Variants in XRN2 observed in about 807,000 individuals in gnomAD.
The protein encoded by XRN2 is 5'-3' exoribonuclease 2.
A neutral mutation model predicts 138.5 loss-of-function variants in XRN2; 44 were observed. The observed-to-expected ratio is 0.32, with a 90% CI of 0.25 to 0.41. The LOEUF is 0.41. Among genes scored for constraint, XRN2 ranks in the 10% least tolerant of loss-of-function variants. XRN2 has a pLI of 1.00. For missense variants in XRN2, 937 were observed against 1,169.3 expected (o/e 0.80, Z 2.90); for synonymous variants, 354 against 369.4 (o/e 0.96, Z 0.48).
intron 1 of XRN2, among the ~76,000 whole-genome samples, chr20:21,323,936 AG>A (rs961009299): frequency 4.8e-4 from 73 of 152,326 alleles, no homozygotes; most frequent in African/African-American, 5.8e-4. Flanking sequence ...TATGGCCAGC[AG>A]GTCTGAAATA....
rs1389696779 is a variant in XRN2 at position 21,356,622 on chromosome 20, C to T, written c.2155C>T (p.Gln719Ter). The part of the protein sequence containing the change: ...EVPPELCHGI[Q>*]GKFSLDEEAI... ...ACCCCCTGAACTATGTCATGGGATT[C>T]AAGGAAAGTTTTCTTTGGATGAAGA... The change falls in exon 23 of 30, where the codon CAA (glutamine) becomes TAA (stop). Residue 719 changes from glutamine (Q) to a stop codon, truncating the protein, a stop_gained. Transcript: ENST00000377191. LOFTEE classifies it high-confidence loss of function. The T allele has an allele frequency of 6.2e-7, 1 of 1,613,490 alleles. No homozygotes were observed. Among genetic ancestry groups the T allele is most frequent in the Non-Finnish European group, 8.5e-7 (1 of 1,179,722 alleles).
intron 28 of XRN2, among the ~76,000 whole-genome samples, chr20:21,382,572 T>A (rs982920604): frequency 3.3e-5 from 5 of 152,210 alleles, no homozygotes; most frequent in African/African-American, 1.2e-4. Context: ...AGTTATTAGT[T>A]GCCACTGAAA....
intron 27 of XRN2, among the ~76,000 whole-genome samples, chr20:21,375,728 C>G (rs2038812866): frequency 6.6e-6 from 1 of 151,850 alleles, no homozygotes; most frequent in Non-Finnish European, 1.5e-5. Flanking sequence ...ACATTAACCT[C>G]TAAATAAGAG....
intron 27 of XRN2, among the ~76,000 whole-genome samples, chr20:21,374,026 G>C (rs2038790945): frequency 6.6e-6 from 1 of 152,126 alleles, no homozygotes; most frequent in Admixed American, 6.5e-5. Flanking sequence ...TAACTTTTAA[G>C]TTTGAAATCA....
At chr20:21,377,023 A>G (rs1004553512) in intron 27 of XRN2, among the ~76,000 whole-genome samples, 30 of 142,492 alleles carry the variant, frequency 2.1e-4, no homozygotes, top group African/African-American at 8.9e-4. Flanking sequence ...TCTTGGTTAT[A>G]AAAAAAACCT....
intron 29 of XRN2, among the ~76,000 whole-genome samples, chr20:21,387,342 A>G (rs1388915038): frequency 6.6e-6 from 1 of 151,548 alleles, no homozygotes; most frequent in Non-Finnish European, 1.5e-5. Flanking sequence ...GATCCCTCTT[A>G]ATGGGTGATG....
At chr20:21,368,223 G>T (rs1347428522) in intron 26 of XRN2, among the ~76,000 whole-genome samples, 2 of 152,176 alleles carry the variant, frequency 1.3e-5, no homozygotes, top group African/African-American at 4.8e-5. Flanking sequence ...TATGATGTAA[G>T]TTGTAAATAT....
At chr20:21,378,997 T>G (rs1288692329) in intron 27 of XRN2, among the ~76,000 whole-genome samples, 1 of 152,216 alleles carries the variant, frequency 6.6e-6, no homozygotes, top group Non-Finnish European at 1.5e-5. Context: ...TAAATGTGAC[T>G]TCTCTTCATT....
intron 27 of XRN2, among the ~76,000 whole-genome samples, chr20:21,378,487 G>A (rs1012932215): frequency 1.3e-5 from 2 of 152,208 alleles, no homozygotes; most frequent in African/African-American, 4.8e-5. Flanking sequence ...CCTCTGACAG[G>A]TTTGGTCATT....
At chr20:21,345,506 C>T (rs995477059) in intron 16 of XRN2, among the ~76,000 whole-genome samples, 2 of 152,108 alleles carry the variant, frequency 1.3e-5, no homozygotes. Context: ...AAATCTGGCA[C>T]ATGGAAAAGA....
At chr20:21,334,486 G>A (rs1158973212) in intron 13 of XRN2, among the ~76,000 whole-genome samples, 1 of 152,128 alleles carries the variant, frequency 6.6e-6, no homozygotes, top group Non-Finnish European at 1.5e-5. Context: ...ACCAAGGCTG[G>A]AAGTCTATTG....
At chr20:21,346,853 G>A (rs561156008) in intron 17 of XRN2, among the ~76,000 whole-genome samples, 14 of 152,070 alleles carry the variant, frequency 9.2e-5, no homozygotes, top group African/African-American at 2.2e-4. Flanking sequence ...TCCTGACCTC[G>A]TGATCCGCCT....
Position 21,368,465 on chromosome 20 carries a change from A to G in XRN2, c.2459A>G (p.His820Arg), listed in dbSNP as rs1428740869. 1.2e-6 allele frequency: 2 copies of G among 1,613,870 alleles called. No individual in the cohort carries two copies. Among genetic ancestry groups the G allele is most frequent in the Non-Finnish European group, 1.7e-6 (2 of 1,179,876 alleles). Reference sequence around the variant, plus strand: ...TCTTGTGTTGGGTCCTTTTATAGCCATGTGATGCCAAGAGGCTCAGGAACT... The same window carrying G: ...TCTTGTGTTGGGTCCTTTTATAGCCGTGTGATGCCAAGAGGCTCAGGAACT... ...LDQAAFRTLGHVMPRGSGTGI... is the reference protein window; with the variant it reads ...LDQAAFRTLGRVMPRGSGTGI... The change falls in exon 27 of 30, where the codon CAT becomes CGT. Residue 820 changes from histidine to arginine, a missense_variant and splice_region_variant. Coordinates refer to ENST00000377191, the MANE Select transcript of XRN2 (RefSeq NM_012255.5).
intron 27 of XRN2, among the ~76,000 whole-genome samples, chr20:21,373,259 C>T (rs1000148428): frequency 6.6e-5 from 10 of 152,336 alleles, no homozygotes; most frequent in African/African-American, 1.4e-4. Context: ...CTGCCCGCCT[C>T]GTTCTCACAA....
At position 21,333,967 on chromosome 20, in the gene XRN2, A is replaced by G; in HGVS notation, c.1098A>G (p.Ile366Met). The change falls in exon 12 of 30, where the codon ATA becomes ATG. Residue 366 changes from isoleucine (I) to methionine (M), a missense_variant. By Grantham distance (10) the Ile-to-Met change is conservative. This residue lies in a region of XRN2 where 471 missense variants were observed against 581.2 expected (regional missense o/e 0.81). Coordinates refer to ENST00000377191, the MANE Select transcript of XRN2 (RefSeq NM_012255.5). ...ATGCAATTGACCGTTTGGTTAACAT[A>G]TACAAAAATGTGGTACACAAAACTG... ...RENAIDRLVNIYKNVVHKTGG... is the reference protein window; with the variant it reads ...RENAIDRLVNMYKNVVHKTGG... The G allele has an allele frequency of 3.1e-6, 5 of 1,614,180 alleles. No individual in the cohort carries two copies. The highest frequency in any genetic ancestry group is 2.2e-5 in the East Asian group (1 of 44,874).
intron 1 of XRN2, among the ~76,000 whole-genome samples, chr20:21,314,758 A>T (rs2037934258): frequency 6.6e-6 from 1 of 152,080 alleles, no homozygotes; most frequent in Non-Finnish European, 1.5e-5. Context: ...GTAGTGTATG[A>T]GGGTTCCAAT....
chr20:21,330,663 AGCTGATC>A lies in XRN2; in HGVS notation c.536_542del (p.Ala179ValfsTer2). ...TTGCTAAATGCCTTCGCTATTACAT[AGCTGATC>A]GTTTAAATAATGACCCTGGGTGGAA... is the stretch of plus-strand genomic sequence containing the variant. On this transcript the variant is annotated frameshift_variant, in exon 6 of 30. Coordinates refer to ENST00000377191, the MANE Select transcript of XRN2 (RefSeq NM_012255.5). LOFTEE classifies it high-confidence loss of function. The A allele has an allele frequency of 6.2e-7, 1 of 1,613,304 alleles. No individual in the cohort carries two copies.
chr20:21,341,809 AGAGT>A (rs1375541491), intron 15 of XRN2, among the ~76,000 whole-genome samples: 5 of 152,168 alleles, frequency 3.3e-5, no homozygotes, highest in Non-Finnish European at 7.3e-5. Flanking sequence ...AGCAGAACTG[AGAGT>A]GACTGGTGGT....
In XRN2 at chr20:21,307,174, A is replaced by G. The variant is rs1422762352; in HGVS notation, c.75+3701A>G. ...CATATGCTTTCATTCTTTTGTGATC[A>G]GTTTTCCTTCCTAGATTTTAAAAAG... On this transcript the variant is annotated intron_variant, in intron 1 of 29. Transcript: ENST00000377191. Among the ~76,000 whole-genome samples, 5 of 76,424 alleles carry G rather than the reference A, an allele frequency of 6.5e-5. 2 individuals carry two copies. The highest frequency in any genetic ancestry group is 1.5e-4 in the Non-Finnish European group (5 of 32,516). 50.1% of individuals were successfully genotyped at this position (76,424 alleles called of 152,430 possible).
Sources: gnomAD v4.1 joint callset for allele counts (sites outside exome capture counted in the v4.1 genomes callset) on GRCh38, gnomAD v4.1.1 for gene constraint, gnomAD v4.1.1 regional missense constraint, MANE v1.5 for transcripts, NCBI Gene and HGNC (gene_info 2026-07-23, HGNC 2026-07-21) for gene names.